The following ZCCHC8 variants were observed in gnomAD, a reference collection of about 807,000 sequenced individuals.
ZCCHC8 encodes the protein zinc finger CCHC-type containing 8.
Under a neutral mutation model 70.6 loss-of-function variants are expected in ZCCHC8, and 27 were observed. That is an observed-to-expected ratio of 0.38 (90% CI 0.28 to 0.53). The LOEUF is 0.53. Ranked by LOEUF, ZCCHC8 falls within the 20% of genes least tolerant of loss-of-function variation. The pLI, the probability that ZCCHC8 is intolerant of heterozygous loss-of-function variation, is 0.81. For missense variants in ZCCHC8, 737 were observed against 876.9 expected, an observed-to-expected ratio of 0.84 and a Z score of 2.01; for synonymous variants, 293 against 317.4, an observed-to-expected ratio of 0.92 and a Z score of 0.82.
chr12:122,500,424 G>T lies in ZCCHC8; in HGVS notation c.199+218C>A. The T allele has an allele frequency of 3.2e-6, 2 of 616,256 alleles. No individual in the cohort carries two copies. The highest frequency in any genetic ancestry group is 5.5e-6 in the Non-Finnish European group (2 of 362,264). 38.2% of individuals were successfully genotyped at this position (616,256 alleles called of 1,614,324 possible). A position where few individuals can be genotyped will look rare whatever the true frequency, so the allele number is the denominator to read the frequency against. ...GCAGGAGTGGGTCTGGTCAGGAGAC[G>T]GCCTCCCTGAGGGGAAGAGGTCTGC... is the stretch of plus-strand genomic sequence containing the variant. On this transcript the variant is annotated intron_variant, in intron 1 of 13. Transcript: ENST00000633063. This position sits in a 1 kb window ranked among gnomAD's most constrained non-coding sequence, Gnocchi z 4.8.
At chr12:122,485,562 C>T (rs1032836174) in intron 5 of ZCCHC8, among the ~76,000 whole-genome samples, 3 of 152,142 alleles carry the variant, frequency 2.0e-5, no homozygotes, top group Non-Finnish European at 2.9e-5. Flanking sequence ...TCTCAAGGGG[C>T]GTGTGAGTGG....
chr12:122,473,689 A>G lies in ZCCHC8; in HGVS notation c.1932T>C (p.Phe644=), dbSNP rs755650350. ...CCGTTGAAGGACTGGTGTCTGCAGG[A>G]AAGAGCTTCTGGCTGCCCCCATTGC... The part of the protein sequence containing the change: ...DISNGGSQKL[F]PADTSPSTAT... Residue 644 remains phenylalanine, a synonymous_variant, in exon 14 of 14, where the codon TTT becomes TTC. Coordinates refer to ENST00000633063, the MANE Select transcript of ZCCHC8 (RefSeq NM_017612.5). 14 of 1,613,866 alleles carry G rather than the reference A, an allele frequency of 8.7e-6. No homozygotes were observed. Among genetic ancestry groups the G allele is most frequent in the East Asian group, 2.2e-5 (1 of 44,902 alleles).
chr12:122,481,780 A>G, intron 9 of ZCCHC8, 116 bp from the exon 10 acceptor site: 1 of 1,381,932 alleles, frequency 7.2e-7, no homozygotes, highest in Non-Finnish European at 9.7e-7. Context: ...ACGTCTAACA[A>G]ATATAAATTA....
intron 2 of ZCCHC8, among the ~76,000 whole-genome samples, chr12:122,494,828 C>T (rs1034987076): frequency 5.3e-5 from 8 of 152,200 alleles, no homozygotes; most frequent in Admixed American, 2.0e-4. Flanking sequence ...GCACTCCAGC[C>T]GGGGTGACAG....
At position 122,477,397 on chromosome 12, in the gene ZCCHC8, G is replaced by A. The variant is rs1336740071; in HGVS notation, c.1345+444C>T. ...TCTTGATCTCCTTACCTTGTGACCC[G>A]CCTGCCTCAGCCTCCCAAAGTGCTG... On this transcript the variant is annotated intron_variant, in intron 13 of 13. Transcript: ENST00000633063. 2.0e-5 allele frequency among the ~76,000 whole-genome samples: 3 copies of A among 150,570 alleles called. 1 individual carries two copies. Among genetic ancestry groups the A allele is most frequent in the South Asian group, 4.2e-4 (2 of 4,736 alleles).
rs1400467665 is a variant in ZCCHC8, at chr12:122,500,597, C to T, written c.199+45G>A. 1.2e-5 allele frequency: 18 copies of T among 1,521,112 alleles called. No homozygotes were observed. Among genetic ancestry groups the T allele is most frequent in the Non-Finnish European group, 1.3e-5 (15 of 1,134,668 alleles). 94.2% of individuals were successfully genotyped at this position (1,521,112 alleles called of 1,614,324 possible). On this transcript the variant is annotated intron_variant, in intron 1 of 13. Transcript: ENST00000633063. The surrounding 1 kb of genome is among the most constrained non-coding windows in gnomAD (Gnocchi z 4.8). ...CCCGGCCCCACGCCTGGCGCTGCCC[C>T]GGCCCCACACCCGGGTGACAGGGCC...
In ZCCHC8 at chr12:122,483,167, T is replaced by G; in HGVS notation, c.671+112A>C. ...TGGATTAAAATTCTAGCTCAATCTG[T>G]AATTAACCTTAGAGTAAACCAGCAG... On this transcript the variant is annotated intron_variant, in intron 7 of 13. Transcript: ENST00000633063. This position sits in a 1 kb window ranked among gnomAD's most constrained non-coding sequence, Gnocchi z 4.4. 1 of 941,574 alleles carries G rather than the reference T, an allele frequency of 1.1e-6. No homozygotes were observed. Among genetic ancestry groups the G allele is most frequent in the Non-Finnish European group, 1.6e-6 (1 of 623,894 alleles). The allele number at this position is 941,574 out of a possible 1,614,324, so 58.3% of individuals were successfully genotyped here.
rs545237182 is a variant in ZCCHC8, at chr12:122,480,001, A to T, written c.1140+189T>A. 2.1e-4 allele frequency among the ~76,000 whole-genome samples: 32 copies of T among 152,170 alleles called. No individual in the cohort carries two copies. In the East Asian group the frequency reaches 6.0e-3, roughly 28 times the overall value. On this transcript the variant is annotated intron_variant, in intron 11 of 13. Transcript: ENST00000633063. ...AGTTTTTAAATTTTTTCATAGAGAC[A>T]AGGTCTTGCTATGTTGCCCAGGCTG...
In ZCCHC8 at chr12:122,488,990, T is replaced by C. The variant is rs138331779; in HGVS notation, c.501+396A>G. ...CTAAATGTAGGTCATCCCTGTTAAC[T>C]TCTTCTGTTTTTCACCCACCATTTG... is the stretch of plus-strand genomic sequence containing the variant. On this transcript the variant is annotated intron_variant, in intron 5 of 13. Coordinates refer to ENST00000633063, the MANE Select transcript of ZCCHC8 (RefSeq NM_017612.5). Among the ~76,000 whole-genome samples, 43 of 152,260 alleles carry C rather than the reference T, an allele frequency of 2.8e-4. No individual in the cohort carries two copies. In the East Asian group the frequency reaches 6.7e-3, roughly 24 times the overall value.
At chr12:122,492,682 T>G in intron 3 of ZCCHC8, 33 bp downstream of exon 3, 1 of 1,333,460 alleles carries the variant, frequency 7.5e-7, no homozygotes, top group Non-Finnish European at 1.0e-6. Flanking sequence ...ATAAACACAT[T>G]ATTATATTTA....
At chr12:122,495,573 G>A (rs948403389) in intron 2 of ZCCHC8, among the ~76,000 whole-genome samples, 1 of 152,016 alleles carries the variant, frequency 6.6e-6, no homozygotes, top group Admixed American at 6.6e-5. Flanking sequence ...GAGAGGCCTG[G>A]GCACGATGGC....
At chr12:122,488,976 T>C (rs1392189909) in intron 5 of ZCCHC8, among the ~76,000 whole-genome samples, 1 of 152,158 alleles carries the variant, frequency 6.6e-6, no homozygotes, top group Non-Finnish European at 1.5e-5. Context: ...TAAATGTAGG[T>C]CATCCCTGTT....
intron 2 of ZCCHC8, among the ~76,000 whole-genome samples, chr12:122,497,048 G>A (rs1343540924): frequency 6.6e-6 from 1 of 152,050 alleles, no homozygotes; most frequent in African/African-American, 2.4e-5. Context: ...TCAGGAGGCT[G>A]AGGCAGGAGA....
chr12:122,489,982 A>C (rs1957715895), intron 4 of ZCCHC8, among the ~76,000 whole-genome samples: 1 of 147,522 alleles, frequency 6.8e-6, no homozygotes. Context: ...ATTTTTAATA[A>C]AAAAAAAAAA....
At chr12:122,491,208 G>C (rs576727719) in intron 3 of ZCCHC8, among the ~76,000 whole-genome samples, 103 of 152,268 alleles carry the variant, frequency 6.8e-4, no homozygotes, top group African/African-American at 2.4e-3. Flanking sequence ...TGTAATCGGG[G>C]AGCCATAATG....
chr12:122,483,777 G>A lies in ZCCHC8; in HGVS notation c.502-214C>T, dbSNP rs926370126. On this transcript the variant is annotated intron_variant, in intron 5 of 13. Coordinates refer to ENST00000633063, the MANE Select transcript of ZCCHC8 (RefSeq NM_017612.5). This position sits in a 1 kb window ranked among gnomAD's most constrained non-coding sequence, Gnocchi z 4.4. ...GCTAGATCAGTTTTTCCTCTGTATT[G>A]GATCATGACTATCAGCTGCATTCTC... 1.8e-5 allele frequency: 9 copies of A among 508,448 alleles called. No individual in the cohort carries two copies. Among genetic ancestry groups the A allele is most frequent in the Non-Finnish European group, 3.1e-5 (9 of 288,990 alleles). The allele number at this position is 508,448 out of a possible 1,614,324, so 31.5% of individuals were successfully genotyped here.
Position 122,472,624 on chromosome 12 carries a change from G to A in ZCCHC8, c.*873C>T, listed in dbSNP as rs1356037305. On this transcript the variant is annotated 3_prime_UTR_variant, in exon 14 of 14. Coordinates refer to ENST00000633063, the MANE Select transcript of ZCCHC8 (RefSeq NM_017612.5). ...AGATCACCTGAAGTCAGGAGGTCAA[G>A]ACCAGCCTGACCCGACGTGGAGAAA... is the stretch of plus-strand genomic sequence containing the variant. 1.3e-5 allele frequency: 2 copies of A among 152,210 alleles called. No individual in the cohort carries two copies. The highest frequency in any genetic ancestry group is 2.9e-5 in the Non-Finnish European group (2 of 68,088). The allele number at this position is 152,210 out of a possible 1,614,324, so 9.4% of individuals were successfully genotyped here. A position where few individuals can be genotyped will look rare whatever the true frequency, so the allele number is the denominator to read the frequency against.
chr12:122,486,833 G>A (rs966796729), intron 5 of ZCCHC8, among the ~76,000 whole-genome samples: 1 of 152,170 alleles, frequency 6.6e-6, no homozygotes, highest in Non-Finnish European at 1.5e-5. Flanking sequence ...GCCTCCCAAA[G>A]TGCTGGGATT....
Position 122,483,621 on chromosome 12 carries a change from A to T in ZCCHC8, c.502-58T>A. On this transcript the variant is annotated intron_variant, in intron 5 of 13. Coordinates refer to ENST00000633063, the MANE Select transcript of ZCCHC8 (RefSeq NM_017612.5). This position sits in a 1 kb window ranked among gnomAD's most constrained non-coding sequence, Gnocchi z 4.4. ...TAAGCAGAAAAAAAGACATTAAATA[A>T]TGTAAGATTATGATTAACTGTTTTA... 3 of 1,225,880 alleles carry T rather than the reference A, an allele frequency of 2.4e-6. No individual in the cohort carries two copies. The highest frequency in any genetic ancestry group is 3.5e-6 in the Non-Finnish European group (3 of 863,146). The allele number at this position is 1,225,880 out of a possible 1,614,324, so 75.9% of individuals were successfully genotyped here.
Sources: gnomAD v4.1 joint callset for allele counts (sites outside exome capture counted in the v4.1 genomes callset) on GRCh38, gnomAD v4.1.1 for gene constraint, Gnocchi (gnomAD v3.1) non-coding constraint, MANE v1.5 for transcripts, NCBI Gene and HGNC (gene_info 2026-07-23, HGNC 2026-07-21) for gene names.